WWOX: variants seen among roughly 807,000 people sequenced by gnomAD.
WWOX encodes WW domain containing oxidoreductase, also known as WW domain-containing oxidoreductase.
A neutral mutation model predicts 46.2 loss-of-function variants in WWOX; 69 were observed. The ratio of observed to expected loss-of-function variants is 1.49; its 90% CI spans 1.23 to 1.82. The LOEUF is 1.82. WWOX is among the 40% of genes most tolerant of loss of function. The pLI is 0.00. For missense variants in WWOX, 919 were observed against 542.6 expected, an observed-to-expected ratio of 1.69 and a Z score of -6.89; for synonymous variants, 359 against 202.6, an observed-to-expected ratio of 1.77 and a Z score of -6.56.
chr16:78,247,924 T>G (rs905902199), intron 5 of WWOX, among the ~76,000 whole-genome samples: 15 of 152,168 alleles, frequency 9.9e-5, no homozygotes, highest in Non-Finnish European at 4.4e-5. Context: ...AAGTGGGGAT[T>G]GAAGCACATA....
chr16:79,163,085 A>G (rs984278465), intron 8 of WWOX, among the ~76,000 whole-genome samples: 11 of 152,236 alleles, frequency 7.2e-5, no homozygotes, highest in African/African-American at 2.7e-4. Flanking sequence ...TTGTCAAACC[A>G]GTGTTTGTTG....
chr16:78,732,905 C>T (rs1307558394), intron 8 of WWOX, among the ~76,000 whole-genome samples: 1 of 152,172 alleles, frequency 6.6e-6, no homozygotes. Context: ...CTGTGTTTCG[C>T]AAGAGTAAAG....
At chr16:78,441,560 G>A (rs963762717) in intron 8 of WWOX, among the ~76,000 whole-genome samples, 2 of 152,058 alleles carry the variant, frequency 1.3e-5, no homozygotes, top group African/African-American at 4.8e-5. Context: ...ATGTTTGGAG[G>A]GAATGAATGT....
intron 8 of WWOX, among the ~76,000 whole-genome samples, chr16:78,643,560 G>T (rs2046771135): frequency 6.6e-6 from 1 of 152,130 alleles, no homozygotes; most frequent in African/African-American, 2.4e-5. Context: ...GCACTCCCCA[G>T]AGCCTTCCAG....
At chr16:79,163,502 A>G (rs1158028022) in intron 8 of WWOX, among the ~76,000 whole-genome samples, 1 of 152,196 alleles carries the variant, frequency 6.6e-6, no homozygotes, top group Non-Finnish European at 1.5e-5. Flanking sequence ...CATATTCATC[A>G]TGATGTTAGA....
chr16:78,923,427 C>A (rs568336515), intron 8 of WWOX, among the ~76,000 whole-genome samples: 1 of 152,250 alleles, frequency 6.6e-6, no homozygotes. Flanking sequence ...CAGGTCCAGC[C>A]TGCTATTTTT....
chr16:78,669,259 C>T (rs17641049), intron 8 of WWOX, among the ~76,000 whole-genome samples: 4,668 of 152,302 alleles, frequency 0.031, 96 homozygotes, highest in Non-Finnish European at 0.048. Context: ...CATTTGCTGT[C>T]CCAAGTGTCC....
chr16:79,209,139 AAGTT>A (rs1204504599), intron 8 of WWOX, among the ~76,000 whole-genome samples: 1 of 152,212 alleles, frequency 6.6e-6, no homozygotes, highest in African/African-American at 2.4e-5. Context: ...TCCTGATAAA[AAGTT>A]AGGCTTTTCA....
chr16:78,946,519 A>G (rs2045951797), intron 8 of WWOX, among the ~76,000 whole-genome samples: 1 of 152,066 alleles, frequency 6.6e-6, no homozygotes, highest in African/African-American at 2.4e-5. Context: ...ATAGTCAAGA[A>G]GTTTCTAGAT....
chr16:78,395,839 C>A (rs2082273054), intron 6 of WWOX, among the ~76,000 whole-genome samples: 1 of 152,104 alleles, frequency 6.6e-6, no homozygotes, highest in African/African-American at 2.4e-5. Flanking sequence ...CCCAAGGATG[C>A]TTCACAGTTT....
intron 8 of WWOX, among the ~76,000 whole-genome samples, chr16:79,171,224 C>T (rs148029815): frequency 1.7e-3 from 265 of 152,218 alleles, no homozygotes; most frequent in Admixed American, 5.0e-3. Context: ...AAAATGTAGA[C>T]GAGGTTTAGG....
At chr16:78,703,050 T>C (rs1297028456) in intron 8 of WWOX, among the ~76,000 whole-genome samples, 3 of 152,128 alleles carry the variant, frequency 2.0e-5, no homozygotes, top group Non-Finnish European at 2.9e-5. Context: ...GCAGTGCTTG[T>C]TGGGATCAGA....
At chr16:78,163,691 T>C (rs2034874226) in intron 4 of WWOX, among the ~76,000 whole-genome samples, 1 of 152,140 alleles carries the variant, frequency 6.6e-6, no homozygotes, top group African/African-American at 2.4e-5. Context: ...CAGTAGGAAA[T>C]GGGGCTAAGA....
chr16:79,066,662 A>T (rs9929635), intron 8 of WWOX, among the ~76,000 whole-genome samples: 45,997 of 152,142 alleles, frequency 0.3, 7,581 homozygotes, highest in Non-Finnish European at 0.37. Context: ...TCAGGTGCCC[A>T]CTTAATTCAA....
intron 8 of WWOX, among the ~76,000 whole-genome samples, chr16:79,067,465 G>T (rs1186009929): frequency 2.6e-5 from 4 of 152,072 alleles, no homozygotes; most frequent in African/African-American, 9.7e-5. Context: ...CACCTGAGAT[G>T]CTCTTCTCGG....
Position 78,342,014 on chromosome 16 carries a change from G to A in WWOX, c.517-44846G>A, listed in dbSNP as rs1170739072. Reference sequence around the variant, plus strand: ...ACCTATAGTACCAGGTACTTCGGAGGCTGAGGCAGCAGAATGGCTTGAGCC... The same window carrying A: ...ACCTATAGTACCAGGTACTTCGGAGACTGAGGCAGCAGAATGGCTTGAGCC... On this transcript the variant is annotated intron_variant, in intron 5 of 8. Transcript: ENST00000566780. Among the ~76,000 whole-genome samples the A allele has an allele frequency of 1.2e-4, 14 of 120,752 alleles. 5 individuals are homozygous for A. Among genetic ancestry groups the A allele is most frequent in the Admixed American group, 1.1e-3 (14 of 12,464 alleles). 79.2% of individuals were successfully genotyped at this position (120,752 alleles called of 152,430 possible). A position where few individuals can be genotyped will look rare whatever the true frequency, so the allele number is the denominator to read the frequency against.
chr16:78,547,948 T>C (rs2044080717), intron 8 of WWOX, among the ~76,000 whole-genome samples: 1 of 152,010 alleles, frequency 6.6e-6, no homozygotes, highest in Non-Finnish European at 1.5e-5. Context: ...GGTCAGGAGT[T>C]CGAGACCAGC....
chr16:78,835,837 A>G (rs2051965583), intron 8 of WWOX, among the ~76,000 whole-genome samples: 1 of 152,246 alleles, frequency 6.6e-6, no homozygotes, highest in African/African-American at 2.4e-5. Flanking sequence ...GGAAAAGAGG[A>G]AAAATTCAAA....
chr16:78,324,321 G>A (rs2080560032), intron 5 of WWOX, among the ~76,000 whole-genome samples: 2 of 152,022 alleles, frequency 1.3e-5, no homozygotes, highest in Non-Finnish European at 2.9e-5. Context: ...TGGAGAAGTT[G>A]GAACCCTCAC....
Sources: allele counts gnomAD v4.1 joint callset (sites outside exome capture counted in the v4.1 genomes callset), GRCh38; gene constraint gnomAD v4.1.1; transcripts MANE v1.5; gene names NCBI Gene and HGNC (gene_info 2026-07-23, HGNC 2026-07-21).